The following PLPPR1 variants were observed in gnomAD, a reference collection of about 807,000 sequenced individuals.
PLPPR1 encodes phospholipid phosphatase-related protein type 1.
A neutral mutation model predicts 33.1 loss-of-function variants in PLPPR1; 10 were observed. The ratio of observed to expected loss-of-function variants is 0.30; its 90% confidence interval spans 0.19 to 0.51. The LOEUF (loss-of-function observed/expected upper bound fraction) is 0.51, where lower values mean the gene tolerates loss of function less well. PLPPR1 is among the 20% of genes least tolerant of loss of function. The pLI is 0.97. For missense variants in PLPPR1, 304 were observed against 408.1 expected (o/e 0.74, Z 2.20); for synonymous variants, 151 against 151.0 (o/e 1.00, Z 0.00).
chr9:101,188,974 T>A (rs910571879), intron 2 of PLPPR1, among the ~76,000 whole-genome samples: 11 of 152,138 alleles, frequency 7.2e-5, no homozygotes, highest in African/African-American at 2.7e-4. Context: ...TACTGTAATT[T>A]GCTCATGAAG....
intron 1 of PLPPR1, among the ~76,000 whole-genome samples, chr9:101,153,897 T>A (rs1428975502): frequency 6.6e-6 from 1 of 152,092 alleles, no homozygotes; most frequent in Non-Finnish European, 1.5e-5. Flanking sequence ...AATACCTAAT[T>A]TATTGAGAGT....
At chr9:101,279,233 T>A (rs1828252185) in intron 3 of PLPPR1, among the ~76,000 whole-genome samples, 1 of 152,174 alleles carries the variant, frequency 6.6e-6, no homozygotes, top group African/African-American at 2.4e-5. Flanking sequence ...AATTTAACAT[T>A]ATATTTAGCA....
Position 101,246,081 on chromosome 9 carries a change from T to G in PLPPR1, c.64-23799T>G, listed in dbSNP as rs76790931. 3.7e-4 allele frequency among the ~76,000 whole-genome samples: 41 copies of G among 110,094 alleles called. No homozygotes were observed. In the East Asian group the frequency reaches 0.016, roughly 43 times the overall value. The allele number at this position is 110,094 out of a possible 152,430, so 72.2% of individuals were successfully genotyped here. ...ATATATATATATATATATATATATA[T>G]ATATATATATATATATATATATATA... On this transcript the variant is annotated intron_variant, in intron 2 of 7. Transcript: ENST00000374874.
intron 2 of PLPPR1, among the ~76,000 whole-genome samples, chr9:101,249,885 G>C (rs930873137): frequency 1.3e-5 from 2 of 151,982 alleles, no homozygotes; most frequent in African/African-American, 4.8e-5. Flanking sequence ...CTGGACAATG[G>C]GCACAGCTGT....
intron 1 of PLPPR1, among the ~76,000 whole-genome samples, chr9:101,045,579 C>G (rs1830133802): frequency 6.6e-6 from 1 of 152,124 alleles, no homozygotes; most frequent in African/African-American, 2.4e-5. Flanking sequence ...TCTAAAGAAG[C>G]ATATTTTAAC....
At chr9:101,237,428 T>G (rs973188732) in intron 2 of PLPPR1, among the ~76,000 whole-genome samples, 1 of 151,108 alleles carries the variant, frequency 6.6e-6, no homozygotes, top group Non-Finnish European at 1.5e-5. Context: ...ACTTAAGTGT[T>G]CATCAACTGA....
chr9:101,293,510 G>T (rs1828559810), intron 4 of PLPPR1, among the ~76,000 whole-genome samples: 1 of 151,940 alleles, frequency 6.6e-6, no homozygotes, highest in Non-Finnish European at 1.5e-5. Context: ...ATTTTTTTCA[G>T]CCCCACACCA....
Position 101,046,975 on chromosome 9 carries a change from C to T in PLPPR1, c.-46+17873C>T, listed in dbSNP as rs935628302. 3.9e-5 allele frequency among the ~76,000 whole-genome samples: 6 copies of T among 151,970 alleles called. No individual in the cohort carries two copies. The East Asian group carries it at 7.7e-4, about 20-fold the overall frequency. On this transcript the variant is annotated intron_variant, in intron 1 of 7. Transcript: ENST00000374874. ...ACATTGATCTCACTAGATTGGGGGT[C>T]GGGGGAGAAGAGGGTTGGTTTTGGG...
At chr9:101,081,979 C>T (rs1055174601) in intron 1 of PLPPR1, among the ~76,000 whole-genome samples, 3 of 152,192 alleles carry the variant, frequency 2.0e-5, no homozygotes, top group Non-Finnish European at 2.9e-5. Flanking sequence ...CAATTTTAAG[C>T]AGGTGCAATG....
chr9:101,258,381 C>T (rs111469601), intron 2 of PLPPR1, among the ~76,000 whole-genome samples: 128 of 152,258 alleles, frequency 8.4e-4, no homozygotes, highest in Admixed American at 1.8e-3. Flanking sequence ...CCTTGAAAAG[C>T]TAAGAACTTC....
rs544500140 is a variant in PLPPR1, at chr9:101,107,962, C to A, written c.-45-77488C>A. Among the ~76,000 whole-genome samples, 14 of 150,680 alleles carry A rather than the reference C, an allele frequency of 9.3e-5. No homozygotes were observed. In the South Asian group the frequency reaches 2.7e-3, roughly 29 times the overall value. ...TTGACTCGGAAAGGGAACTCCCTGA[C>A]CCCTTGCGCTTCCCAGGTGAGGCAA... On this transcript the variant is annotated intron_variant, in intron 1 of 7. Transcript: ENST00000374874.
chr9:101,257,293 G>T (rs1353175696), intron 2 of PLPPR1, among the ~76,000 whole-genome samples: 1 of 152,070 alleles, frequency 6.6e-6, no homozygotes, highest in African/African-American at 2.4e-5. Flanking sequence ...ACACCACTCA[G>T]AACACATTTA....
intron 7 of PLPPR1, among the ~76,000 whole-genome samples, chr9:101,320,657 A>G (rs913846451): frequency 1.3e-5 from 2 of 152,224 alleles, no homozygotes; most frequent in Non-Finnish European, 2.9e-5. Context: ...GTCACCAAGC[A>G]TCTGTTTTTA....
At chr9:101,152,699 A>C (rs1831605177) in intron 1 of PLPPR1, among the ~76,000 whole-genome samples, 4 of 148,908 alleles carry the variant, frequency 2.7e-5, no homozygotes, top group Admixed American at 6.9e-5. Flanking sequence ...GTCAAAGGTC[A>C]GATGGTGGTA....
chr9:101,222,818 A>T (rs1316610669), intron 2 of PLPPR1, among the ~76,000 whole-genome samples: 1 of 152,094 alleles, frequency 6.6e-6, no homozygotes, highest in Non-Finnish European at 1.5e-5. Flanking sequence ...CATTCATCAT[A>T]AAGCAAACCC....
chr9:101,291,587 A>G (rs760912019), intron 4 of PLPPR1, among the ~76,000 whole-genome samples: 1 of 152,216 alleles, frequency 6.6e-6, no homozygotes, highest in African/African-American at 2.4e-5. Context: ...CTCCTCTGAG[A>G]CAAAACTTCC....
At chr9:101,162,920 A>G (rs138416885) in intron 1 of PLPPR1, among the ~76,000 whole-genome samples, 30 of 152,178 alleles carry the variant, frequency 2.0e-4, no homozygotes, top group Admixed American at 1.2e-3. Flanking sequence ...TTCTCCTCCA[A>G]TCTCAAGAAT....
chr9:101,123,221 A>G (rs553542324), intron 1 of PLPPR1, among the ~76,000 whole-genome samples: 1 of 149,136 alleles, frequency 6.7e-6, no homozygotes, highest in South Asian at 2.2e-4. Context: ...AGCTCTATCT[A>G]TAAGTTAGTC....
chr9:101,217,239 GC>G (rs1290352645), intron 2 of PLPPR1, among the ~76,000 whole-genome samples: 1 of 151,706 alleles, frequency 6.6e-6, no homozygotes, highest in African/African-American at 2.4e-5. Context: ...AAAAATCACT[GC>G]CCTGCTTAAA....
Sources: allele counts gnomAD v4.1 joint callset (sites outside exome capture counted in the v4.1 genomes callset), GRCh38; gene constraint gnomAD v4.1.1; transcripts MANE v1.5; gene names NCBI Gene and HGNC (gene_info 2026-07-23, HGNC 2026-07-21).